The following ABCG2 variants were observed in gnomAD, a reference collection of about 807,000 sequenced individuals.
ABCG2 encodes the protein broad substrate specificity ATP-binding cassette transporter ABCG2.
ABCG2 carries 80 observed loss-of-function variants against 73.5 expected under a neutral mutation model. The ratio of observed to expected loss-of-function variants is 1.09; its 90% CI spans 0.91 to 1.31. The LOEUF (loss-of-function observed/expected upper bound fraction) is 1.31, where lower values mean the gene tolerates loss of function less well. Among genes scored for constraint, ABCG2 ranks in the 50% most tolerant of loss-of-function variants. The pLI, the probability that ABCG2 is intolerant of heterozygous loss-of-function variation, is 0.00. For missense variants in ABCG2, 796 were observed against 786.2 expected, an observed-to-expected ratio of 1.01 and a Z score of -0.15; for synonymous variants, 269 against 282.4, an observed-to-expected ratio of 0.95 and a Z score of 0.48.
At chr4:88,170,499 T>G (rs1727716630) in intron 1 of ABCG2, among the ~76,000 whole-genome samples, 1 of 152,214 alleles carries the variant, frequency 6.6e-6, no homozygotes, top group African/African-American at 2.4e-5. Flanking sequence ...ATTTGTAACT[T>G]GGATGAGCCC....
chr4:88,094,735 T>C lies in ABCG2; in HGVS notation c.1738-76A>G, dbSNP rs2231163. On this transcript the variant is annotated intron_variant, in intron 14 of 15. Transcript: ENST00000237612. ...AGTTTCCAAAGAGTTATCACAATCA[T>C]GCCCTCTGAGTTTAATCTTTATTGT... 1,017 of 1,110,658 alleles carry C rather than the reference T, an allele frequency of 9.2e-4. 7 individuals are homozygous for C. In the African/African-American group the frequency reaches 0.015, roughly 16 times the overall value. 68.8% of individuals were successfully genotyped at this position (1,110,658 alleles called of 1,614,324 possible).
chr4:88,177,237 G>A (rs184529553), intron 1 of ABCG2, among the ~76,000 whole-genome samples: 22 of 152,152 alleles, frequency 1.4e-4, no homozygotes, highest in South Asian at 6.2e-4. Flanking sequence ...TAGCCAGCAT[G>A]GTGGCAGGCG....
upstream of ABCG2, among the ~76,000 whole-genome samples, chr4:88,159,765 T>A (rs1727200659): frequency 1.3e-5 from 2 of 152,220 alleles, no homozygotes; most frequent in Non-Finnish European, 2.9e-5. Context: ...GAAAATTGAC[T>A]ATACATAATT....
At chr4:88,180,242 T>C (rs1469388150) in intron 1 of ABCG2, among the ~76,000 whole-genome samples, 1 of 152,084 alleles carries the variant, frequency 6.6e-6, no homozygotes, top group African/African-American at 2.4e-5. Flanking sequence ...TCAGTGGAAA[T>C]CTACAGGCCA....
At chr4:88,144,449 CT>C (rs59434855) in intron 1 of ABCG2, among the ~76,000 whole-genome samples, 25,268 of 77,168 alleles carry the variant, frequency 0.33, 1,291 homozygotes, top group African/African-American at 0.41. Flanking sequence ...CACATTTTTA[CT>C]TTTTTTTTTT....
In ABCG2 at chr4:88,209,349, C is replaced by CA. The variant is rs1352125066; in HGVS notation, c.-20+21644dup. Among the ~76,000 whole-genome samples, 140 of 148,108 alleles carry CA rather than the reference C, an allele frequency of 9.5e-4. 1 individual carries two copies. The highest frequency in any genetic ancestry group is 1.1e-3 in the Non-Finnish European group (75 of 66,992). ...AAACAAAAAAGCAAACAAGAAACAC[C>CA]AAAAAAAACAAAATAAATAAAAACA... is the stretch of plus-strand genomic sequence containing the variant. On this transcript the variant is annotated intron_variant, in intron 1 of 15. Coordinates refer to the ABCG2 transcript ENST00000515655.
At chr4:88,113,733 C>T (rs898478966) in intron 8 of ABCG2, among the ~76,000 whole-genome samples, 180 bp from the exon 9 acceptor site, 13 of 151,990 alleles carry the variant, frequency 8.6e-5, no homozygotes, top group African/African-American at 1.9e-4. Context: ...GAGGCTGAGG[C>T]GGGTGGATTA....
At chr4:88,211,358 G>GCCCCCCCCCCCCCCCCCCCCCC (rs1264405228) in intron 1 of ABCG2, among the ~76,000 whole-genome samples, 1 of 33,648 alleles carries the variant, frequency 3.0e-5, no homozygotes, top group Non-Finnish European at 5.6e-5. Context: ...TTCAACCCCT[G>GCCCCCCCCCCCCCCCCCCCCCC]CCCCACCCCC....
At chr4:88,185,330 C>G (rs1176355664) in intron 1 of ABCG2, among the ~76,000 whole-genome samples, 1 of 152,216 alleles carries the variant, frequency 6.6e-6, no homozygotes, top group African/African-American at 2.4e-5. Flanking sequence ...TGCCACTGCA[C>G]TCCAGCCTGG....
chr4:88,158,758 G>A (rs986981256), upstream of ABCG2: 4 of 380,104 alleles, frequency 1.1e-5, no homozygotes, highest in Admixed American at 3.3e-5. Flanking sequence ...TCGCGCGGCG[G>A]CCGGCGTGGG....
intron 1 of ABCG2, among the ~76,000 whole-genome samples, chr4:88,176,504 A>G: frequency 8.5e-6 from 1 of 116,986 alleles, no homozygotes; most frequent in Non-Finnish European, 1.7e-5. Flanking sequence ...TTTTTGTGAC[A>G]GGGTCTCACT....
chr4:88,159,049 C>T, upstream of ABCG2: 1 of 429,444 alleles, frequency 2.3e-6, no homozygotes, highest in Non-Finnish European at 4.7e-6. Flanking sequence ...CGCTGAGCCG[C>T]CAGCAGGACT....
chr4:88,108,151 GTTAAT>G (rs3061248), intron 9 of ABCG2, among the ~76,000 whole-genome samples: 151,607 of 152,282 alleles, frequency 1, 75,468 homozygotes, highest in Middle Eastern at 1. Context: ...TAAGCAAAGG[GTTAAT>G]TTAAGGGTTA....
chr4:88,143,615 TC>T (rs1725783770), intron 1 of ABCG2, among the ~76,000 whole-genome samples: 1 of 152,110 alleles, frequency 6.6e-6, no homozygotes, highest in Non-Finnish European at 1.5e-5. Flanking sequence ...AGTTTGCCTT[TC>T]CTGTGATAGG....
intron 1 of ABCG2, among the ~76,000 whole-genome samples, chr4:88,173,739 C>T (rs1000663696): frequency 1.3e-5 from 2 of 152,048 alleles, no homozygotes; most frequent in Non-Finnish European, 2.9e-5. Flanking sequence ...TGGCTCATAC[C>T]TGTAATCCCA....
chr4:88,171,016 G>A (rs959440536), intron 1 of ABCG2, among the ~76,000 whole-genome samples: 2 of 152,124 alleles, frequency 1.3e-5, no homozygotes, highest in Non-Finnish European at 2.9e-5. Flanking sequence ...ACTAACGCAG[G>A]AACAGAAAAC....
chr4:88,178,843 TTG>T (rs1728113946), intron 1 of ABCG2, among the ~76,000 whole-genome samples: 1 of 152,040 alleles, frequency 6.6e-6, no homozygotes, highest in Non-Finnish European at 1.5e-5. Flanking sequence ...GCAAAGGACT[TTG>T]TCTTATTGCT....
chr4:88,154,890 G>C (rs551113724), intron 1 of ABCG2, among the ~76,000 whole-genome samples: 2 of 152,334 alleles, frequency 1.3e-5, no homozygotes, highest in East Asian at 3.9e-4. Context: ...GCCTCTAAAA[G>C]TATTAGGGCG....
chr4:88,169,463 A>G (rs11732936), intron 1 of ABCG2, among the ~76,000 whole-genome samples: 61,258 of 151,978 alleles, frequency 0.4, 13,398 homozygotes, highest in East Asian at 0.66. Context: ...ATTCCACTTT[A>G]TGAGTACAGT....
Sources: allele counts gnomAD v4.1 joint callset (sites outside exome capture counted in the v4.1 genomes callset), GRCh38; gene constraint gnomAD v4.1.1; transcripts MANE v1.5; gene names NCBI Gene and HGNC (gene_info 2026-07-23, HGNC 2026-07-21).